Variants in TMEM62 observed in about 807,000 individuals in gnomAD.
TMEM62 encodes the protein transmembrane protein 62.
TMEM62 carries 41 observed loss-of-function variants against 70.4 expected under a neutral mutation model. The observed-to-expected ratio is 0.58, with a 90% confidence interval of 0.45 to 0.76. TMEM62 has a LOEUF of 0.76. Ranked by LOEUF, TMEM62 falls within the 30% of genes least tolerant of loss-of-function variation. The pLI is 0.00. For missense variants in TMEM62, 688 were observed against 788.5 expected, an observed-to-expected ratio of 0.87 and a Z score of 1.53; for synonymous variants, 268 against 291.0, an observed-to-expected ratio of 0.92 and a Z score of 0.80.
At chr15:43,136,911 G>A (rs2035302001) in intron 3 of TMEM62, among the ~76,000 whole-genome samples, 1 of 152,006 alleles carries the variant, frequency 6.6e-6, no homozygotes, top group Admixed American at 6.5e-5. Flanking sequence ...ACCATACCCT[G>A]CTAATTTTTG....
At chr15:43,180,930 GA>G (rs1347263754) in intron 12 of TMEM62, 27 of 302,338 alleles carry the variant, frequency 8.9e-5, no homozygotes, top group African/African-American at 5.8e-4. Context: ...TTTGTTTCTA[GA>G]ATCTATAAGA....
chr15:43,162,593 G>A (rs766653852), intron 10 of TMEM62, among the ~76,000 whole-genome samples: 1 of 151,612 alleles, frequency 6.6e-6, no homozygotes, highest in Non-Finnish European at 1.5e-5. Flanking sequence ...CACCATGCCC[G>A]GCTAATTTTT....
In TMEM62 at chr15:43,160,564, CAACAAT is replaced by C. The variant is rs932617021; in HGVS notation, c.1183-111_1183-106del. On this transcript the variant is annotated intron_variant, in intron 9 of 13. Transcript: ENST00000260403. Reference sequence around the variant, plus strand: ...TGAAAAACAACAACAACAACAACAACAACAATAACAACAACAACAAAGTGTAGTTAT... The same window carrying C: ...TGAAAAACAACAACAACAACAACAACAACAACAACAACAAAGTGTAGTTAT... The C allele has an allele frequency of 2.4e-4, 146 of 616,878 alleles. 2 individuals are homozygous for C. The African/African-American group carries it at 2.5e-3, about 10-fold the overall frequency. 38.2% of individuals were successfully genotyped at this position (616,878 alleles called of 1,614,324 possible).
chr15:43,152,384 ATTTGTTTTGT>A (rs543802698), intron 8 of TMEM62, among the ~76,000 whole-genome samples: 1 of 151,944 alleles, frequency 6.6e-6, no homozygotes, highest in Non-Finnish European at 1.5e-5. Flanking sequence ...TGGCAAATGA[ATTTGTTTTGT>A]TTTGTTTTGT....
At chr15:43,181,138 T>C (rs1488289383) in intron 12 of TMEM62, 43 bp from the exon 13 acceptor site, 1 of 1,196,204 alleles carries the variant, frequency 8.4e-7, no homozygotes, top group Non-Finnish European at 1.2e-6. Flanking sequence ...ATCAGAATTA[T>C]AGTTATTTAA....
At chr15:43,141,830 GA>G (rs2036057107) in intron 4 of TMEM62, among the ~76,000 whole-genome samples, 1 of 152,210 alleles carries the variant, frequency 6.6e-6, no homozygotes, top group Admixed American at 6.5e-5. Context: ...GGATGACTTT[GA>G]GGGGTTCAAG....
chr15:43,167,168 AC>A (rs1157989836), intron 10 of TMEM62, among the ~76,000 whole-genome samples: 4 of 140,670 alleles, frequency 2.8e-5, no homozygotes, highest in African/African-American at 8.2e-5. Context: ...CGGGGGGCTG[AC>A]CCCCCCACCT....
At chr15:43,149,842 C>G (rs1440912893) in intron 7 of TMEM62, among the ~76,000 whole-genome samples, 1 of 152,148 alleles carries the variant, frequency 6.6e-6, no homozygotes, top group African/African-American at 2.4e-5. Flanking sequence ...GTTATTGTTA[C>G]AAGATGGTAG....
intron 13 of TMEM62, 103 bp from the exon 14 acceptor site, chr15:43,184,157 C>T: frequency 9.4e-7 from 1 of 1,068,610 alleles, no homozygotes; most frequent in Non-Finnish European, 1.4e-6. Flanking sequence ...TAGCTAACGC[C>T]AAGACAGATA....
At chr15:43,160,890 T>A in intron 10 of TMEM62, 96 bp downstream of exon 10, 3 of 590,694 alleles carry the variant, frequency 5.1e-6, no homozygotes, top group Middle Eastern at 3.9e-4. Context: ...TTTCCATGGT[T>A]TCAGTTACCG....
In TMEM62 at chr15:43,178,603, T is replaced by G. The variant is rs746229678; in HGVS notation, c.1382-4T>G. The G allele has an allele frequency of 6.3e-7, 1 of 1,590,646 alleles. No individual in the cohort carries two copies. The highest frequency in any genetic ancestry group is 1.3e-5 in the African/African-American group (1 of 74,228). On this transcript the variant is annotated splice_polypyrimidine_tract_variant and splice_region_variant and intron_variant, in intron 11 of 13. Coordinates refer to ENST00000260403, the MANE Select transcript of TMEM62 (RefSeq NM_024956.4). ...ACTGGGTTTTTCAACTTTATGTTTT[T>G]TAGAACCTTCAGGGTTTATAAATCT...
At chr15:43,151,319 GAA>G (rs896405823) in intron 7 of TMEM62, among the ~76,000 whole-genome samples, 5 of 53,406 alleles carry the variant, frequency 9.4e-5, no homozygotes, top group African/African-American at 2.3e-4. Flanking sequence ...TCAAAAATAA[GAA>G]AAAAAAAAAA....
At chr15:43,163,610 G>A (rs1478466540) in intron 10 of TMEM62, among the ~76,000 whole-genome samples, 5 of 151,896 alleles carry the variant, frequency 3.3e-5, no homozygotes, top group Admixed American at 6.6e-5. Context: ...GTGAAACCCC[G>A]TCTCTACTAA....
intron 11 of TMEM62, among the ~76,000 whole-genome samples, chr15:43,173,681 C>T (rs2040438137): frequency 6.6e-6 from 1 of 152,148 alleles, no homozygotes; most frequent in South Asian, 2.1e-4. Flanking sequence ...CCTCCTTTAT[C>T]ATACTGTTTT....
At position 43,168,085 on chromosome 15, in the gene TMEM62, C is replaced by T. The variant is rs1333559019; in HGVS notation, c.1297-1508C>T. On this transcript the variant is annotated intron_variant, in intron 10 of 13. Transcript: ENST00000260403. Reference sequence around the variant, plus strand: ...CCGAGATGGCAGCGGTACAGTCCAGCTTCGGCTCGGCATCAGAGGGAGACT... The same window carrying T: ...CCGAGATGGCAGCGGTACAGTCCAGTTTCGGCTCGGCATCAGAGGGAGACT... Among the ~76,000 whole-genome samples, 4 of 148,670 alleles carry T rather than the reference C, an allele frequency of 2.7e-5. No homozygotes were observed. The East Asian group carries it at 8.3e-4, about 31-fold the overall frequency.
intron 11 of TMEM62, 58 bp from the exon 12 acceptor site, chr15:43,178,549 C>A: frequency 9.1e-7 from 1 of 1,096,772 alleles, no homozygotes; most frequent in Non-Finnish European, 1.4e-6. Context: ...TAGAAAATGT[C>A]ATAAAGAAAC....
chr15:43,155,316 G>T (rs1206261474), intron 9 of TMEM62, among the ~76,000 whole-genome samples: 1 of 151,844 alleles, frequency 6.6e-6, no homozygotes, highest in Non-Finnish European at 1.5e-5. Context: ...GGGCAACATA[G>T]TGAGACCGCA....
Position 43,184,719 on chromosome 15 carries a change from C to A in TMEM62, c.*133C>A. The A allele has an allele frequency of 2.7e-6, 2 of 752,112 alleles. No homozygotes were observed. The highest frequency in any genetic ancestry group is 2.6e-5 in the East Asian group (1 of 37,918). 46.6% of individuals were successfully genotyped at this position (752,112 alleles called of 1,614,324 possible). A position where few individuals can be genotyped will look rare whatever the true frequency, so the allele number is the denominator to read the frequency against. On this transcript the variant is annotated 3_prime_UTR_variant, in exon 14 of 14. Coordinates refer to ENST00000260403, the MANE Select transcript of TMEM62 (RefSeq NM_024956.4). The stretch of plus-strand genomic sequence containing the variant: ...TAGGGAGCAGCTGCTCGTTTGGAGT[C>A]CTGGACGTTGGAGGGATTACCCACT...
intron 7 of TMEM62, among the ~76,000 whole-genome samples, chr15:43,149,963 C>A (rs1596251855): frequency 6.6e-6 from 1 of 151,936 alleles, no homozygotes; most frequent in Admixed American, 6.5e-5. Flanking sequence ...ATGGTTTTTT[C>A]TTTTTTAAAA....
Sources: allele counts gnomAD v4.1 joint callset (sites outside exome capture counted in the v4.1 genomes callset), GRCh38; gene constraint gnomAD v4.1.1; transcripts MANE v1.5; gene names NCBI Gene and HGNC (gene_info 2026-07-23, HGNC 2026-07-21).